ZNF268: variants seen among roughly 807,000 people sequenced by gnomAD.
ZNF268 encodes zinc finger protein 268, also known as zinc finger protein 3.
A neutral mutation model predicts 29.3 loss-of-function variants in ZNF268; 20 were observed. The observed-to-expected ratio is 0.68, with a 90% CI of 0.48 to 0.99. The LOEUF (loss-of-function observed/expected upper bound fraction) is 0.99, where lower values mean the gene tolerates loss of function less well. ZNF268 is among the 50% of genes least tolerant of loss of function. The pLI is 0.00. For synonymous variants in ZNF268, 429 were observed against 376.9 expected, an observed-to-expected ratio of 1.14 and a Z score of -1.60; for missense variants, 1,240 against 1,121.6, an observed-to-expected ratio of 1.11 and a Z score of -1.51.
Position 133,206,446 on chromosome 12 carries a change from A to G in ZNF268, c.*1916A>G, listed in dbSNP as rs1317748758. ...TGTGTCAGTGATACTACTTAGTTAC[A>G]TGTAGCTATAGAGTCACAGTGGTGA... On this transcript the variant is annotated 3_prime_UTR_variant, in exon 6 of 6. Transcript: ENST00000536435. 4 of 152,214 alleles carry G rather than the reference A, an allele frequency of 2.6e-5. No homozygotes were observed. The highest frequency in any genetic ancestry group is 4.8e-5 in the African/African-American group (2 of 41,452). 9.4% of individuals were successfully genotyped at this position (152,214 alleles called of 1,614,324 possible).
intron 2 of ZNF268, among the ~76,000 whole-genome samples, chr12:133,183,940 G>A (rs1381976452): frequency 6.6e-6 from 1 of 152,168 alleles, no homozygotes; most frequent in East Asian, 1.9e-4. Flanking sequence ...ACATGTATGA[G>A]GGAGATCAAG....
intron 5 of ZNF268, among the ~76,000 whole-genome samples, chr12:133,192,295 A>T (rs1446873256): frequency 6.6e-6 from 1 of 151,460 alleles, no homozygotes; most frequent in Non-Finnish European, 1.5e-5. Context: ...TTTAGTAGAG[A>T]TGGGGTTTTG....
intron 3 of ZNF268, among the ~76,000 whole-genome samples, chr12:133,188,863 A>G (rs533840304): frequency 5.2e-4 from 79 of 152,130 alleles, no homozygotes; most frequent in Non-Finnish European, 7.5e-4. Flanking sequence ...TTAGTCTCTT[A>G]ATGCTTACTT....
chr12:133,199,985 G>C (rs1307885957), intron 5 of ZNF268, among the ~76,000 whole-genome samples: 4 of 152,090 alleles, frequency 2.6e-5, no homozygotes, highest in Non-Finnish European at 5.9e-5. Context: ...CCAGCTCCTG[G>C]ATTCATTAAT....
At position 133,207,306 on chromosome 12, in the gene ZNF268, TTTAAAAATCCATATTTGTGAACATAG is replaced by T; in HGVS notation, c.*2777_*2802del. ...TGCAAACCATATTTGTGAACATAGG[TTTAAAAATCCATATTTGTGAACATAG>T]GTTTAAAAATCCATATTTGTGAACA... On this transcript the variant is annotated 3_prime_UTR_variant, in exon 6 of 6. Coordinates refer to ENST00000536435, the MANE Select transcript of ZNF268 (RefSeq NM_003415.3). The T allele has an allele frequency of 4.9e-5, 1 of 20,478 alleles. No homozygotes were observed. Among genetic ancestry groups the T allele is most frequent in the Non-Finnish European group, 1.1e-4 (1 of 8,854 alleles). The allele number at this position is 20,478 out of a possible 1,614,324, so 1.3% of individuals were successfully genotyped here. A position where few individuals can be genotyped will look rare whatever the true frequency, so the allele number is the denominator to read the frequency against.
intron 5 of ZNF268, among the ~76,000 whole-genome samples, chr12:133,201,133 T>C (rs1030306114): frequency 4.6e-5 from 7 of 152,116 alleles, no homozygotes; most frequent in African/African-American, 1.7e-4. Context: ...TTTTTGCTAA[T>C]TTAATTTTGT....
intron 2 of ZNF268, chr12:133,184,674 A>G: frequency 2.2e-6 from 1 of 448,128 alleles, no homozygotes; most frequent in South Asian, 1.6e-5. Flanking sequence ...GCTGGAGTGC[A>G]GTGGCTATCT....
At chr12:133,182,139 T>C (rs1956192369) in intron 2 of ZNF268, 109 bp downstream of exon 2, 1 of 1,059,496 alleles carries the variant, frequency 9.4e-7, no homozygotes, top group Non-Finnish European at 1.4e-6. Context: ...ACCCCACCGC[T>C]CTTTTAGGCA....
intron 3 of ZNF268, 179 bp from the exon 4 acceptor site, chr12:133,191,310 C>G: frequency 1.5e-6 from 1 of 649,532 alleles, no homozygotes; most frequent in Admixed American, 3.0e-5. Context: ...GAGTGAGACT[C>G]TGTCTCAACA....
chr12:133,191,911 A>C lies in ZNF268; in HGVS notation c.365A>C (p.Tyr122Ser). 6.2e-7 allele frequency: 1 copy of C among 1,614,002 alleles called. No homozygotes were observed. The highest frequency in any genetic ancestry group is 1.3e-5 in the African/African-American group (1 of 75,040). Reference sequence around the variant, plus strand: ...TCTGTGATTTTTCTATTTATAGGGTACCAACACACCAAACCTGATATCATC... The same window carrying C: ...TCTGTGATTTTTCTATTTATAGGGTCCCAACACACCAAACCTGATATCATC... ...ENYSNLVSLG[Y>S]QHTKPDIIFK... The change falls in exon 5 of 6, where the codon TAC becomes TCC. Residue 122 changes from tyrosine to serine, a missense_variant. Coordinates refer to ENST00000536435, the MANE Select transcript of ZNF268 (RefSeq NM_003415.3).
chr12:133,193,073 C>G lies in ZNF268; in HGVS notation c.457+1070C>G, dbSNP rs1956513447. On this transcript the variant is annotated intron_variant, in intron 5 of 5. Transcript: ENST00000536435. ...TTGATCCTGCTCTTCTGCTGCATGA[C>G]CGAGCACTTTTTCCCTTCATGTTCC... Among the ~76,000 whole-genome samples, 4 of 152,314 alleles carry G rather than the reference C, an allele frequency of 2.6e-5. No homozygotes were observed. In the South Asian group the frequency reaches 8.3e-4, roughly 32 times the overall value.
At chr12:133,185,773 T>C (rs1956297618) in intron 2 of ZNF268, among the ~76,000 whole-genome samples, 1 of 152,182 alleles carries the variant, frequency 6.6e-6, no homozygotes, top group Non-Finnish European at 1.5e-5. Context: ...GGTGACCACG[T>C]TCAGACAAGA....
chr12:133,203,239 A>G lies in ZNF268; in HGVS notation c.1553A>G (p.His518Arg). Residue 518 changes from histidine (H) to arginine (R), a missense_variant, in exon 6 of 6, where the codon CAT becomes CGT. By Grantham distance (29) the His-to-Arg change is conservative (BLOSUM62 0). Transcript: ENST00000536435. Reference sequence around the variant, plus strand: ...AGGAGCAAGTCATACCTTATTATACATACAAGGACTCATACAGGAGAAAAA... The same window carrying G: ...AGGAGCAAGTCATACCTTATTATACGTACAAGGACTCATACAGGAGAAAAA... Reference protein sequence around the residue: ...AFRSKSYLIIHTRTHTGEKLH... With the variant: ...AFRSKSYLIIRTRTHTGEKLH... The G allele has an allele frequency of 2.0e-6, 3 of 1,538,088 alleles. No homozygotes were observed. Among genetic ancestry groups the G allele is most frequent in the South Asian group, 2.4e-5 (2 of 84,066 alleles).
chr12:133,210,681 TTG>T lies in ZNF268; in HGVS notation c.*6153_*6154del, dbSNP rs1431328605. 2.7e-6 allele frequency: 1 copy of T among 372,304 alleles called. No homozygotes were observed. The highest frequency in any genetic ancestry group is 3.3e-5 in the Admixed American group (1 of 30,368). The allele number at this position is 372,304 out of a possible 1,614,324, so 23.1% of individuals were successfully genotyped here. A position where few individuals can be genotyped will look rare whatever the true frequency, so the allele number is the denominator to read the frequency against. ...GGTCCTGAGTAGAAGCAAGGTCTGT[TTG>T]TCACTGTGGATTCCCCCCTGCCAAG... On this transcript the variant is annotated 3_prime_UTR_variant, in exon 6 of 6. Transcript: ENST00000536435.
intron 4 of ZNF268, 102 bp from the exon 5 acceptor site, chr12:133,191,806 C>T (rs757494152): frequency 1.4e-6 from 2 of 1,474,104 alleles, no homozygotes; most frequent in African/African-American, 1.4e-5. Context: ...TGCAAAAAGG[C>T]AGCTTCATCA....
At chr12:133,181,748 C>T in intron 1 of ZNF268, 62 bp downstream of exon 1, 1 of 555,030 alleles carries the variant, frequency 1.8e-6, no homozygotes, top group Non-Finnish European at 3.2e-6. Context: ...CCTTAGCTCT[C>T]TCCTGCTGCT....
At chr12:133,189,818 G>T (rs1320055643) in intron 3 of ZNF268, among the ~76,000 whole-genome samples, 5 of 151,902 alleles carry the variant, frequency 3.3e-5, no homozygotes, top group Admixed American at 1.3e-4. Context: ...CTGTTTGTTT[G>T]TTTTTTTGAG....
In ZNF268 at chr12:133,202,844, A is replaced by G; in HGVS notation, c.1158A>G (p.Lys386=). 3 of 1,588,580 alleles carry G rather than the reference A, an allele frequency of 1.9e-6. No individual in the cohort carries two copies. Among genetic ancestry groups the G allele is most frequent in the East Asian group, 4.5e-5 (2 of 44,416 alleles). Residue 386 remains lysine, a synonymous_variant, in exon 6 of 6, where the codon AAA becomes AAG. Coordinates refer to ENST00000536435, the MANE Select transcript of ZNF268 (RefSeq NM_003415.3). ...VSHQKTHSGQ[K]PYVCNECGKA... is the part of the protein sequence containing the mutation. Reference sequence around the variant, plus strand: ...ACCAGAAAACTCATTCAGGACAGAAACCATATGTGTGTAATGAATGTGGGA... The same window carrying G: ...ACCAGAAAACTCATTCAGGACAGAAGCCATATGTGTGTAATGAATGTGGGA...
chr12:133,193,604 A>G (rs896446628), intron 5 of ZNF268: 1 of 546,324 alleles, frequency 1.8e-6, no homozygotes, highest in Admixed American at 3.3e-5. Flanking sequence ...CCTTTTAGAA[A>G]CGACTAATCC....
Sources: allele counts gnomAD v4.1 joint callset (sites outside exome capture counted in the v4.1 genomes callset), GRCh38; gene constraint gnomAD v4.1.1; transcripts MANE v1.5; gene names NCBI Gene and HGNC (gene_info 2026-07-23, HGNC 2026-07-21).